Variants in USP49 observed in about 807,000 individuals in gnomAD.
USP49 encodes ubiquitin specific peptidase 49.
USP49 carries 24 observed loss-of-function variants against 58.6 expected under a neutral mutation model. That is an observed-to-expected ratio of 0.41 (90% CI 0.30 to 0.58). The LOEUF (loss-of-function observed/expected upper bound fraction) is 0.58, where lower values mean the gene tolerates loss of function less well. Among genes scored for constraint, USP49 ranks in the 20% least tolerant of loss-of-function variants. The pLI is 0.30. For missense variants in USP49, 703 were observed against 866.1 expected, an observed-to-expected ratio of 0.81 and a Z score of 2.36; for synonymous variants, 408 against 365.1, an observed-to-expected ratio of 1.12 and a Z score of -1.34.
intron 2 of USP49, among the ~76,000 whole-genome samples, chr6:41,878,357 A>T (rs1000315390): frequency 6.6e-6 from 1 of 152,206 alleles, no homozygotes; most frequent in East Asian, 1.9e-4. Flanking sequence ...AATAAGAACT[A>T]AAGGACATAC....
chr6:41,851,362 T>A (rs1774024224), intron 3 of USP49, among the ~76,000 whole-genome samples: 1 of 152,180 alleles, frequency 6.6e-6, no homozygotes, highest in African/African-American at 2.4e-5. Flanking sequence ...CACATCACTT[T>A]AACAGAATAA....
At chr6:41,815,885 T>A (rs756293249) in intron 3 of USP49, among the ~76,000 whole-genome samples, 14 of 152,228 alleles carry the variant, frequency 9.2e-5, no homozygotes, top group Non-Finnish European at 1.6e-4. Context: ...TGTAAGGTTA[T>A]GCCAGCATGA....
Position 41,795,509 on chromosome 6 carries a change from C to G in USP49, c.*1024G>C, listed in dbSNP as rs573867657. The G allele has an allele frequency of 6.6e-6, 1 of 152,086 alleles. No homozygotes were observed. The highest frequency in any genetic ancestry group is 1.5e-5 in the Non-Finnish European group (1 of 68,030). 9.4% of individuals were successfully genotyped at this position (152,086 alleles called of 1,614,324 possible). On this transcript the variant is annotated 3_prime_UTR_variant, in exon 8 of 8. Coordinates refer to ENST00000682992, the MANE Select transcript of USP49 (RefSeq NM_001286554.2). ...GTGGACTCCTAAGCAGTTAACATAC[C>G]CTAGAGAACCAAAAGCTCCCAAACC... is the stretch of plus-strand genomic sequence containing the variant.
At chr6:41,829,611 C>T (rs1202664921) in intron 3 of USP49, among the ~76,000 whole-genome samples, 3 of 152,254 alleles carry the variant, frequency 2.0e-5, no homozygotes, top group Non-Finnish European at 2.9e-5. Context: ...CCGCGCCTGG[C>T]GGATTCTCTT....
At chr6:41,827,523 G>A (rs1300169264) in intron 3 of USP49, among the ~76,000 whole-genome samples, 1 of 151,956 alleles carries the variant, frequency 6.6e-6, no homozygotes, top group Non-Finnish European at 1.5e-5. Context: ...AGCCAGCAGT[G>A]GTGGTGGGCG....
intron 7 of USP49, among the ~76,000 whole-genome samples, chr6:41,797,426 AG>A: frequency 6.6e-6 from 1 of 152,334 alleles, no homozygotes; most frequent in East Asian, 1.9e-4. Flanking sequence ...AAAATTTAGA[AG>A]GAACAAAAAA....
intron 3 of USP49, among the ~76,000 whole-genome samples, chr6:41,861,996 C>A (rs758231054): frequency 1.3e-5 from 2 of 152,172 alleles, no homozygotes; most frequent in Non-Finnish European, 2.9e-5. Context: ...GCCACCGCAC[C>A]CGGCCATGTC....
chr6:41,806,273 G>A lies in USP49; in HGVS notation c.711C>T (p.Ala237=), dbSNP rs375382404. The part of the protein sequence containing the change: ...AALPTSRRVP[A]ATLKLRRQPA... Reference sequence around the variant, plus strand: ...GCTGGCGACGCAGCTTGAGTGTGGCGGCGGGCACTCTGCGTGAGGTAGGGA... The same window carrying A: ...GCTGGCGACGCAGCTTGAGTGTGGCAGCGGGCACTCTGCGTGAGGTAGGGA... The change falls in exon 4 of 8, where the codon GCC becomes GCT. Residue 237 remains alanine (A), a synonymous_variant. Coordinates refer to ENST00000682992, the MANE Select transcript of USP49 (RefSeq NM_001286554.2). This position sits in a 1 kb window ranked among gnomAD's most constrained non-coding sequence, Gnocchi z 5.9. 5 of 1,604,332 alleles carry A rather than the reference G, an allele frequency of 3.1e-6. No individual in the cohort carries two copies. The highest frequency in any genetic ancestry group is 4.2e-6 in the Non-Finnish European group (5 of 1,179,334).
At position 41,796,455 on chromosome 6, in the gene USP49, A is replaced by G; in HGVS notation, c.*78T>C. The stretch of plus-strand genomic sequence containing the variant: ...GGCAAACCTAGTAATCTGTTCCTGC[A>G]GTAGCCTTATTTCCTATAAGAGGAA... On this transcript the variant is annotated 3_prime_UTR_variant, in exon 8 of 8. Coordinates refer to ENST00000682992, the MANE Select transcript of USP49 (RefSeq NM_001286554.2). 1 of 667,500 alleles carries G rather than the reference A, an allele frequency of 1.5e-6. No individual in the cohort carries two copies. Among genetic ancestry groups the G allele is most frequent in the East Asian group, 2.7e-5 (1 of 36,892 alleles). 41.3% of individuals were successfully genotyped at this position (667,500 alleles called of 1,614,324 possible).
In USP49 at chr6:41,806,431, C is replaced by T; in HGVS notation, c.553G>A (p.Ala185Thr). ...EEALERKKEE[A>T]RRRRREVKRR... ...TTCACCTCGCGCCGCCGCCTCCGCG[C>T]CTCCTCCTTCTTGCGCTCCAGGGCC... The change falls in exon 4 of 8, where the codon GCG becomes ACG. Residue 185 changes from alanine to threonine, a missense_variant. Ala to Thr is a moderately conservative substitution (Grantham distance 58). This residue lies in a region of USP49 where 376 missense variants were observed against 373.5 expected (regional missense o/e 1.01). Coordinates refer to ENST00000682992, the MANE Select transcript of USP49 (RefSeq NM_001286554.2). This position sits in a 1 kb window ranked among gnomAD's most constrained non-coding sequence, Gnocchi z 5.9. The T allele has an allele frequency of 1.3e-6, 2 of 1,582,926 alleles. No individual in the cohort carries two copies. The highest frequency in any genetic ancestry group is 8.5e-7 in the Non-Finnish European group (1 of 1,173,088).
At chr6:41,879,573 G>A (rs1419462431) in intron 2 of USP49, among the ~76,000 whole-genome samples, 2 of 152,192 alleles carry the variant, frequency 1.3e-5, no homozygotes, top group African/African-American at 4.8e-5. Context: ...CTAGATTGCT[G>A]CCCTGTCTCC....
rs755887134 is a variant in USP49 at position 41,805,909 on chromosome 6, G to C, written c.1075C>G (p.Arg359Gly). ...ACTCGGAAGAGGGTGTGCAGTTCAC[G>C]GCAGAGGGAAATGTGCTTTGAACTC... ...EPSSKHISLC[R>G]ELHTLFRVMW... Residue 359 changes from arginine (R) to glycine (G), a missense_variant, in exon 4 of 8, where the codon CGT (arginine) becomes GGT (glycine). Arg to Gly is a moderately radical substitution (Grantham distance 125). Coordinates refer to ENST00000682992, the MANE Select transcript of USP49 (RefSeq NM_001286554.2). The C allele has an allele frequency of 3.1e-6, 5 of 1,613,990 alleles. No individual in the cohort carries two copies. The highest frequency in any genetic ancestry group is 4.2e-6 in the Non-Finnish European group (5 of 1,180,028).
rs1367467201 is a variant in USP49 at position 41,795,313 on chromosome 6, C to T, written c.*1220G>A. On this transcript the variant is annotated 3_prime_UTR_variant, in exon 8 of 8. Coordinates refer to ENST00000682992, the MANE Select transcript of USP49 (RefSeq NM_001286554.2). ...CAATTTCATTCTGTTTAGAAACTGACCCAATTTAAAAAGGAAGATGTATTT... is the reference window on the plus strand; with the variant it reads ...CAATTTCATTCTGTTTAGAAACTGATCCAATTTAAAAAGGAAGATGTATTT... 1.3e-5 allele frequency: 2 copies of T among 152,046 alleles called. No homozygotes were observed. The highest frequency in any genetic ancestry group is 2.9e-5 in the Non-Finnish European group (2 of 68,034). The allele number at this position is 152,046 out of a possible 1,614,324, so 9.4% of individuals were successfully genotyped here.
Position 41,796,360 on chromosome 6 carries a change from A to C in USP49, c.*173T>G, listed in dbSNP as rs961467710. ...AAGGAGGGAACTCCCAAACTCATTC[A>C]AAAGAAAGAGACTATAAAATTTACG... On this transcript the variant is annotated 3_prime_UTR_variant, in exon 8 of 8. Coordinates refer to ENST00000682992, the MANE Select transcript of USP49 (RefSeq NM_001286554.2). 1.5e-5 allele frequency: 8 copies of C among 532,632 alleles called. No individual in the cohort carries two copies. Among genetic ancestry groups the C allele is most frequent in the African/African-American group, 1.3e-4 (7 of 53,214 alleles). The allele number at this position is 532,632 out of a possible 1,614,324, so 33.0% of individuals were successfully genotyped here.
intron 2 of USP49, among the ~76,000 whole-genome samples, chr6:41,875,922 G>A (rs939000579): frequency 6.6e-6 from 1 of 151,994 alleles, no homozygotes; most frequent in East Asian, 1.9e-4. Flanking sequence ...AGTAGAGATG[G>A]GGTTTCACCA....
intron 3 of USP49, among the ~76,000 whole-genome samples, chr6:41,813,695 T>C (rs1773297650): frequency 6.6e-6 from 1 of 152,150 alleles, no homozygotes; most frequent in Admixed American, 6.6e-5. Flanking sequence ...AGTAAATCCA[T>C]TCAGGAAAAA....
In USP49 at chr6:41,796,395, G is replaced by A. The variant is rs1393310062; in HGVS notation, c.*138C>T. On this transcript the variant is annotated 3_prime_UTR_variant, in exon 8 of 8. Coordinates refer to ENST00000682992, the MANE Select transcript of USP49 (RefSeq NM_001286554.2). ...GACTATAAAATTTACGACAGGACACGAATCACCTGGCACCTTCTACTCTAG... is the reference window on the plus strand; with the variant it reads ...GACTATAAAATTTACGACAGGACACAAATCACCTGGCACCTTCTACTCTAG... 3.6e-6 allele frequency: 2 copies of A among 554,042 alleles called. No individual in the cohort carries two copies. The highest frequency in any genetic ancestry group is 3.0e-5 in the Admixed American group (1 of 33,388). The allele number at this position is 554,042 out of a possible 1,614,324, so 34.3% of individuals were successfully genotyped here.
At chr6:41,796,934 G>A (rs1308986522) in intron 7 of USP49, among the ~76,000 whole-genome samples, 2 of 149,046 alleles carry the variant, frequency 1.3e-5, no homozygotes, top group African/African-American at 2.5e-5. Context: ...ACTGCTTATC[G>A]ACTGACTGCA....
intron 3 of USP49, chr6:41,869,856 T>C (rs947880143): frequency 2.0e-5 from 3 of 152,326 alleles, no homozygotes; most frequent in East Asian, 3.9e-4. Flanking sequence ...ACAGGCAAGA[T>C]GAACCTATGT....
Sources: allele counts gnomAD v4.1 joint callset (sites outside exome capture counted in the v4.1 genomes callset), GRCh38; gene constraint gnomAD v4.1.1; regional missense constraint gnomAD v4.1.1; non-coding constraint Gnocchi (gnomAD v3.1); transcripts MANE v1.5; gene names NCBI Gene and HGNC (gene_info 2026-07-23, HGNC 2026-07-21).